The following HNRNPUL2 variants were observed in gnomAD, a reference collection of about 807,000 sequenced individuals.
HNRNPUL2 encodes the protein heterogeneous nuclear ribonucleoprotein U like 2.
In HNRNPUL2, 27 loss-of-function variants were observed where a neutral mutation model predicts 102.2. The observed-to-expected ratio is 0.26, with a 90% CI of 0.19 to 0.36. HNRNPUL2 has a LOEUF of 0.36. Among genes scored for constraint, HNRNPUL2 ranks in the 10% least tolerant of loss-of-function variants. The probability of loss-of-function intolerance (pLI) is 1.00; values close to 1 mark genes in which losing one functional copy is unlikely to be tolerated. For synonymous variants in HNRNPUL2, 458 were observed against 387.2 expected (o/e 1.18, Z -2.15); for missense variants, 936 against 981.1 (o/e 0.95, Z 0.61).
chr11:62,726,731 A>G lies in HNRNPUL2; in HGVS notation c.426T>C (p.Asn142=). 1.2e-6 allele frequency: 2 copies of G among 1,600,632 alleles called. No individual in the cohort carries two copies. Among genetic ancestry groups the G allele is most frequent in the Non-Finnish European group, 1.7e-6 (2 of 1,179,536 alleles). ...AEATAGSGGV[N]GGEEQGLGKR... Reference sequence around the variant, plus strand: ...TGCCGAGGCCCTGCTCTTCGCCACCATTTACCCCGCCTGACCCGGCCGTGG... The same window carrying G: ...TGCCGAGGCCCTGCTCTTCGCCACCGTTTACCCCGCCTGACCCGGCCGTGG... The change falls in exon 1 of 14, where the codon AAT becomes AAC. Residue 142 remains asparagine (N), a synonymous_variant. Transcript: ENST00000301785.
chr11:62,717,331 G>A (rs2083668345), intron 10 of HNRNPUL2, 142 bp from the exon 11 acceptor site: 2 of 634,620 alleles, frequency 3.2e-6, no homozygotes, highest in Non-Finnish European at 5.3e-6. Context: ...ATACCCACTC[G>A]CATCTAAATA....
intron 1 of HNRNPUL2, among the ~76,000 whole-genome samples, chr11:62,725,128 C>T (rs2083734899): frequency 6.6e-6 from 1 of 152,124 alleles, no homozygotes; most frequent in South Asian, 2.1e-4. Flanking sequence ...GGAGTTTTTC[C>T]CTAGGCTTCT....
intron 8 of HNRNPUL2, 36 bp downstream of exon 8, chr11:62,721,784 A>T (rs775481851): frequency 1.2e-6 from 2 of 1,610,808 alleles, no homozygotes; most frequent in South Asian, 2.2e-5. Flanking sequence ...AGAGTCTCCA[A>T]ATACTGTATC....
chr11:62,724,468 G>C, intron 1 of HNRNPUL2, 42 bp from the exon 2 acceptor site: 10 of 1,611,956 alleles, frequency 6.2e-6, no homozygotes, highest in Non-Finnish European at 7.6e-6. Context: ...TTTCATACTG[G>C]AGTGTAGAAT....
In HNRNPUL2 at chr11:62,713,919, C is replaced by G. The variant is rs2083638127; in HGVS notation, c.*1380G>C. 6.6e-6 allele frequency: 1 copy of G among 152,182 alleles called. No individual in the cohort carries two copies. Among genetic ancestry groups the G allele is most frequent in the African/African-American group, 2.4e-5 (1 of 41,432 alleles). 9.4% of individuals were successfully genotyped at this position (152,182 alleles called of 1,614,324 possible). A position where few individuals can be genotyped will look rare whatever the true frequency, so the allele number is the denominator to read the frequency against. On this transcript the variant is annotated 3_prime_UTR_variant, in exon 14 of 14. Coordinates refer to ENST00000301785, the MANE Select transcript of HNRNPUL2 (RefSeq NM_001079559.3). ...CTTGAACCCAGCAACCTACAGCTGT[C>G]TATCAAGAACTGGGAGGGTATTGGT... is the stretch of plus-strand genomic sequence containing the variant.
At chr11:62,719,928 G>C (rs1206280639) in intron 10 of HNRNPUL2, 95 bp downstream of exon 10, 11 of 1,180,710 alleles carry the variant, frequency 9.3e-6, no homozygotes, top group African/African-American at 1.5e-5. Flanking sequence ...GGACTTCCTA[G>C]CCTCCAGAAT....
chr11:62,726,072 CTG>C (rs1248391239), intron 1 of HNRNPUL2, among the ~76,000 whole-genome samples: 4 of 152,184 alleles, frequency 2.6e-5, no homozygotes, highest in Non-Finnish European at 5.9e-5. Context: ...AAACTCGACA[CTG>C]TTACACTAGA....
chr11:62,724,236 G>C, intron 2 of HNRNPUL2, 55 bp downstream of exon 2: 1 of 1,607,462 alleles, frequency 6.2e-7, no homozygotes, highest in South Asian at 1.1e-5. Flanking sequence ...TCAATACCAG[G>C]TATACCAAAA....
chr11:62,726,645 G>A lies in HNRNPUL2; in HGVS notation c.512C>T (p.Pro171Leu), dbSNP rs2083751067. The A allele has an allele frequency of 6.3e-7, 1 of 1,595,070 alleles. No homozygotes were observed. The highest frequency in any genetic ancestry group is 8.5e-7 in the Non-Finnish European group (1 of 1,177,094). The change falls in exon 1 of 14, where the codon CCG (proline) becomes CTG (leucine). Residue 171 changes from proline (P) to leucine (L), a missense_variant. Pro to Leu is a moderately conservative substitution (Grantham distance 98). Transcript: ENST00000301785. ...CTGTTCCTCGGCGGCCTTGTCACCC[G>A]GCACCTCGGATCCCGGCGTCTCGTC... ...SGDETPGSEV[P>L]GDKAAEEQGD... is the part of the protein sequence containing the mutation.
At position 62,722,687 on chromosome 11, in the gene HNRNPUL2, C is replaced by T; in HGVS notation, c.1009G>A (p.Asp337Asn). 1 of 1,614,044 alleles carries T rather than the reference C, an allele frequency of 6.2e-7. No homozygotes were observed. Among genetic ancestry groups the T allele is most frequent in the Non-Finnish European group, 8.5e-7 (1 of 1,179,964 alleles). ...LGEDEFSYGF[D>N]GRGLKAENGQ... ...TTTTCTGCCTTGAGTCCTCGTCCAT[C>T]GAAACCGTAAGAGAATTCATCTTCA... Residue 337 changes from aspartate to asparagine, a missense_variant, in exon 6 of 14, where the codon GAT becomes AAT. By Grantham distance (23) the Asp-to-Asn change is conservative. This residue lies in a region of HNRNPUL2 where 609 missense variants were observed against 713.0 expected (regional missense o/e 0.85). Transcript: ENST00000301785.
chr11:62,723,879 A>G, intron 3 of HNRNPUL2, 35 bp downstream of exon 3: 2 of 1,602,824 alleles, frequency 1.2e-6, no homozygotes, highest in East Asian at 2.2e-5. Context: ...TTAGGAGATT[A>G]GTTAAAAACC....
chr11:62,726,308 A>C (rs2083745868), intron 1 of HNRNPUL2, among the ~76,000 whole-genome samples: 1 of 152,180 alleles, frequency 6.6e-6, no homozygotes, highest in South Asian at 2.1e-4. Context: ...TTCTCAGCTA[A>C]GAAAAATATA....
At chr11:62,715,975 A>G in intron 11 of HNRNPUL2, 38 bp from the exon 12 acceptor site, 1 of 1,518,490 alleles carries the variant, frequency 6.6e-7, no homozygotes, top group South Asian at 1.2e-5. Flanking sequence ...GACAGCTGGC[A>G]TGGGGTCCTG....
chr11:62,715,391 G>A lies in HNRNPUL2; in HGVS notation c.2164-12C>T. ...TAGTAACTCTGCCACTAGAAGAGAG[G>A]GAAACCCCATCACTTGGAGCCAGAG... On this transcript the variant is annotated splice_polypyrimidine_tract_variant and intron_variant, in intron 13 of 13. Transcript: ENST00000301785. 1 of 1,611,642 alleles carries A rather than the reference G, an allele frequency of 6.2e-7. No homozygotes were observed. Among genetic ancestry groups the A allele is most frequent in the South Asian group, 1.1e-5 (1 of 91,002 alleles).
rs926308416 is a variant in HNRNPUL2 at position 62,722,195 on chromosome 11, C to T, written c.1281G>A (p.Glu427=). Residue 427 remains glutamate, a synonymous_variant, in exon 7 of 14, where the codon GAG becomes GAA. Coordinates refer to ENST00000301785, the MANE Select transcript of HNRNPUL2 (RefSeq NM_001079559.3). ...CAGGCACAGCATGAATGAACACAAACTCTTCTGGTGGTGGGAAGAAGGGCT... is the reference window on the plus strand; with the variant it reads ...CAGGCACAGCATGAATGAACACAAATTCTTCTGGTGGTGGGAAGAAGGGCT... ...KEEPFFPPPE[E]FVFIHAVPVE... is the part of the protein sequence containing the mutation. 19 of 1,614,202 alleles carry T rather than the reference C, an allele frequency of 1.2e-5. No individual in the cohort carries two copies. Among genetic ancestry groups the T allele is most frequent in the Non-Finnish European group, 1.5e-5 (18 of 1,180,036 alleles).
At chr11:62,720,546 CAA>C (rs148876571) in intron 9 of HNRNPUL2, among the ~76,000 whole-genome samples, 102 of 131,414 alleles carry the variant, frequency 7.8e-4, no homozygotes, top group African/African-American at 1.9e-3. Context: ...GATTCCATCT[CAA>C]AAAAAAAAAA....
intron 10 of HNRNPUL2, among the ~76,000 whole-genome samples, chr11:62,718,030 T>C (rs2083673154): frequency 6.6e-6 from 1 of 152,168 alleles, no homozygotes; most frequent in African/African-American, 2.4e-5. Context: ...GAGCTACATT[T>C]CTCTGAGTGC....
intron 4 of HNRNPUL2, 152 bp from the exon 5 acceptor site, chr11:62,723,055 TC>T: frequency 1.5e-6 from 1 of 647,616 alleles, no homozygotes; most frequent in East Asian, 2.7e-5. Context: ...GCCACAGGGA[TC>T]AATTTCTTGG....
Position 62,727,436 on chromosome 11 carries a change from G to C in HNRNPUL2, c.-280C>G. 1 of 302,104 alleles carries C rather than the reference G, an allele frequency of 3.3e-6. No individual in the cohort carries two copies. The highest frequency in any genetic ancestry group is 5.9e-6 in the Non-Finnish European group (1 of 170,240). The allele number at this position is 302,104 out of a possible 1,614,324, so 18.7% of individuals were successfully genotyped here. A position where few individuals can be genotyped will look rare whatever the true frequency, so the allele number is the denominator to read the frequency against. ...CAGGCCCTTGGTTCCCCAGCCGCGG[G>C]CAGGCGCGCGCGGAGGACGACGGAG... On this transcript the variant is annotated 5_prime_UTR_variant, in exon 1 of 14. Coordinates refer to ENST00000301785, the MANE Select transcript of HNRNPUL2 (RefSeq NM_001079559.3).
Sources: allele counts gnomAD v4.1 joint callset (sites outside exome capture counted in the v4.1 genomes callset), GRCh38; gene constraint gnomAD v4.1.1; regional missense constraint gnomAD v4.1.1; transcripts MANE v1.5; gene names NCBI Gene and HGNC (gene_info 2026-07-23, HGNC 2026-07-21).